Variants in RAPH1 observed in about 807,000 individuals in gnomAD.
RAPH1 encodes Ras association (RalGDS/AF-6) and pleckstrin homology domains 1, also known as ras-associated and pleckstrin homology domains-containing protein 1.
RAPH1 carries 18 observed loss-of-function variants against 88.1 expected under a neutral mutation model. That is an observed-to-expected ratio of 0.20 (90% CI 0.14 to 0.30). RAPH1 has a LOEUF of 0.30. Among genes scored for constraint, RAPH1 ranks in the 10% least tolerant of loss-of-function variants. The pLI is 1.00. For missense variants in RAPH1, 1,448 were observed against 1,543.2 expected (o/e 0.94, Z 1.03); for synonymous variants, 587 against 559.0 (o/e 1.05, Z -0.71).
At chr2:203,472,789 C>CAAATTTAATTCAAATTCAAATTTAA (rs1205751185) in intron 4 of RAPH1, among the ~76,000 whole-genome samples, 16 of 152,166 alleles carry the variant, frequency 1.1e-4, no homozygotes, top group African/African-American at 3.6e-4. Context: ...AAATTTAATT[C>CAAATTTAATTCAAATTCAAATTTAA]TTAAAAACAC....
chr2:203,529,418 A>AT (rs1420940353), intron 1 of RAPH1, among the ~76,000 whole-genome samples: 1 of 152,060 alleles, frequency 6.6e-6, no homozygotes, highest in East Asian at 1.9e-4. Context: ...CTGGAGTGCA[A>AT]TGGCGCCATC....
intron 4 of RAPH1, chr2:203,477,122 G>T (rs1218777154): frequency 1.5e-5 from 25 of 1,613,804 alleles, no homozygotes; most frequent in Non-Finnish European, 2.0e-5. Flanking sequence ...ATGACGCTTG[G>T]CCTGCTTGCT....
Position 203,439,731 on chromosome 2 carries a change from G to A in RAPH1, c.3459C>T (p.Thr1153=), listed in dbSNP as rs1366857443. Residue 1153 remains threonine, a synonymous_variant, in exon 14 of 14, where the codon ACC becomes ACT. Coordinates refer to ENST00000319170, the MANE Select transcript of RAPH1 (RefSeq NM_213589.3). ...GGACACTAAGGCTGGATTTGGGAGA[G>A]GTGGGCACTTGTGGCACAACTGTGG... is the stretch of plus-strand genomic sequence containing the variant. The part of the protein sequence containing the change: ...TMATVVPQVP[T]SPKSSLSVQP... The A allele has an allele frequency of 1.7e-5, 27 of 1,614,140 alleles. No homozygotes were observed. The highest frequency in any genetic ancestry group is 2.2e-5 in the Non-Finnish European group (26 of 1,180,032).
intron 1 of RAPH1, among the ~76,000 whole-genome samples, chr2:203,527,731 C>T (rs528117290): frequency 1.4e-5 from 2 of 139,694 alleles, no homozygotes; most frequent in African/African-American, 5.5e-5. Context: ...ACCCGGGAGG[C>T]GAAGGTTGTG....
chr2:203,466,376 T>C lies in RAPH1; in HGVS notation c.733-4451A>G, dbSNP rs559732099. On this transcript the variant is annotated intron_variant, in intron 4 of 13. Transcript: ENST00000319170. ...GTCTAATGTATTTAAGCAATCACCA[T>C]ATCTTTTAACTATTAACAACCTGGG... Among the ~76,000 whole-genome samples, 161 of 152,344 alleles carry C rather than the reference T, an allele frequency of 1.1e-3. 1 individual carries two copies. The highest frequency in any genetic ancestry group is 3.4e-3 in the Middle Eastern group (1 of 294).
At chr2:203,444,141 AGAG>A (rs1425515555) in intron 13 of RAPH1, 2 of 121,830 alleles carry the variant, frequency 1.6e-5, no homozygotes, top group Non-Finnish European at 3.2e-5. Context: ...AGAGAAAAAA[AGAG>A]AGAGAGAGGC....
chr2:203,509,429 C>T (rs1220823446), intron 1 of RAPH1, among the ~76,000 whole-genome samples: 2 of 152,032 alleles, frequency 1.3e-5, no homozygotes, highest in African/African-American at 4.8e-5. Context: ...AATCAGAATT[C>T]GGTTCCAAAT....
chr2:203,453,922 A>C (rs1261762104), intron 10 of RAPH1, among the ~76,000 whole-genome samples: 1 of 152,152 alleles, frequency 6.6e-6, no homozygotes, highest in East Asian at 1.9e-4. Context: ...AAGAAAAAAA[A>C]ACCTCCCTAA....
chr2:203,529,421 G>A (rs1188978448), intron 1 of RAPH1, among the ~76,000 whole-genome samples: 2 of 152,130 alleles, frequency 1.3e-5, no homozygotes, highest in Non-Finnish European at 2.9e-5. Context: ...GAGTGCAATG[G>A]CGCCATCTCG....
intron 4 of RAPH1, among the ~76,000 whole-genome samples, chr2:203,486,251 A>T (rs1687966791): frequency 6.6e-6 from 1 of 152,234 alleles, no homozygotes; most frequent in African/African-American, 2.4e-5. Flanking sequence ...ATTTTTAAAC[A>T]TATATTCATT....
intron 1 of RAPH1, among the ~76,000 whole-genome samples, chr2:203,518,548 A>C (rs576615335): frequency 1.2e-4 from 18 of 150,882 alleles, no homozygotes; most frequent in East Asian, 7.8e-4. Context: ...ACAAAAAAAA[A>C]ACAAAAAACT....
intron 4 of RAPH1, among the ~76,000 whole-genome samples, chr2:203,471,046 T>C (rs764237465): frequency 1.3e-5 from 2 of 152,218 alleles, no homozygotes; most frequent in Non-Finnish European, 2.9e-5. Context: ...CATTCTCCCC[T>C]TAACTTTTCA....
intron 1 of RAPH1, among the ~76,000 whole-genome samples, chr2:203,529,382 A>ACAGAGTT (rs1422556334): frequency 2.6e-5 from 4 of 152,138 alleles, no homozygotes; most frequent in African/African-American, 9.7e-5. Context: ...TTGTTTTGAG[A>ACAGAGTT]CAGAGTTTTG....
intron 8 of RAPH1, 46 bp downstream of exon 8, chr2:203,457,484 T>A: frequency 6.7e-7 from 1 of 1,501,272 alleles, no homozygotes. Context: ...ATGCCTGGCC[T>A]AATATTTTAA....
At chr2:203,522,178 AAAGAT>A (rs1282544628) in intron 1 of RAPH1, among the ~76,000 whole-genome samples, 5 of 152,202 alleles carry the variant, frequency 3.3e-5, no homozygotes, top group African/African-American at 9.6e-5. Flanking sequence ...TTGCATAACA[AAAGAT>A]ATCTGTTTTA....
At chr2:203,505,989 T>C (rs528084112) in intron 1 of RAPH1, among the ~76,000 whole-genome samples, 55 of 152,272 alleles carry the variant, frequency 3.6e-4, no homozygotes, top group African/African-American at 1.3e-3. Flanking sequence ...TGCAACTTCA[T>C]TCCTCTTAGA....
intron 1 of RAPH1, among the ~76,000 whole-genome samples, chr2:203,527,661 G>T (rs1341533711): frequency 6.6e-6 from 1 of 151,910 alleles, no homozygotes; most frequent in Non-Finnish European, 1.5e-5. Flanking sequence ...TTAGCCGGGC[G>T]TGTTGGCGCA....
intron 4 of RAPH1, among the ~76,000 whole-genome samples, chr2:203,480,722 A>G (rs558036104): frequency 1.3e-5 from 2 of 152,358 alleles, no homozygotes; most frequent in African/African-American, 4.8e-5. Context: ...ATGACCACTC[A>G]TTAGTGTTTC....
chr2:203,472,876 G>A (rs982258692), intron 4 of RAPH1, among the ~76,000 whole-genome samples: 3 of 152,076 alleles, frequency 2.0e-5, no homozygotes, highest in African/African-American at 7.2e-5. Context: ...TTAAGTATGA[G>A]GCAATGATAT....
Sources: gnomAD v4.1 joint callset for allele counts (sites outside exome capture counted in the v4.1 genomes callset) on GRCh38, gnomAD v4.1.1 for gene constraint, MANE v1.5 for transcripts, NCBI Gene and HGNC (gene_info 2026-07-23, HGNC 2026-07-21) for gene names.